The following INVS variants were observed in gnomAD, a reference collection of about 807,000 sequenced individuals.
The protein encoded by INVS is inversion of embryo turning homolog.
In INVS, 86 loss-of-function variants were observed where a neutral mutation model predicts 108.8. The observed-to-expected ratio is 0.79, with a 90% confidence interval of 0.66 to 0.95. INVS has a LOEUF of 0.95. Among genes scored for constraint, INVS ranks in the 40% least tolerant of loss-of-function variants. The pLI, the probability that INVS is intolerant of heterozygous loss-of-function variation, is 0.00. For missense variants in INVS, 1,169 were observed against 1,297.4 expected (o/e 0.90, Z 1.52); for synonymous variants, 455 against 473.5 (o/e 0.96, Z 0.51).
intron 3 of INVS, among the ~76,000 whole-genome samples, chr9:100,140,528 C>G (rs958368092): frequency 3.3e-5 from 5 of 152,132 alleles, no homozygotes; most frequent in African/African-American, 1.2e-4. Flanking sequence ...AACCGGCCAT[C>G]TGGATGTGTA....
Position 100,267,019 on chromosome 9 carries a change from T to TAAAAAAAAAA in INVS, c.1571+2106_1571+2115dup, listed in dbSNP as rs11415703. Among the ~76,000 whole-genome samples the TAAAAAAAAAA allele has an allele frequency of 1.1e-4, 10 of 93,124 alleles. 1 individual carries two copies. The highest frequency in any genetic ancestry group is 1.4e-4 in the Non-Finnish European group (7 of 49,474). 61.1% of individuals were successfully genotyped at this position (93,124 alleles called of 152,430 possible). A position where few individuals can be genotyped will look rare whatever the true frequency, so the allele number is the denominator to read the frequency against. On this transcript the variant is annotated intron_variant, in intron 11 of 16. Transcript: ENST00000262457. ...CTGAAGATGTCTCCCTTTGAAACTCTAAAAAAAAAAAAAAAAAAAAAAAAG... is the reference window on the plus strand; with the variant it reads ...CTGAAGATGTCTCCCTTTGAAACTCTAAAAAAAAAAAAAAAAAAAAAAAAAAAAAAAAAAG...
At chr9:100,123,227 A>G (rs1003810558) in intron 2 of INVS, among the ~76,000 whole-genome samples, 1 of 152,172 alleles carries the variant, frequency 6.6e-6, no homozygotes, top group African/African-American at 2.4e-5. Flanking sequence ...CCCACAGAGA[A>G]ACCCTTCACC....
chr9:100,132,025 C>G (rs1828069750), intron 3 of INVS: 1 of 265,692 alleles, frequency 3.8e-6, no homozygotes, highest in Non-Finnish European at 5.8e-6. Context: ...GCCCCAGTCC[C>G]CTTCAGCTCT....
At chr9:100,235,484 T>C (rs1831657624) in intron 5 of INVS, among the ~76,000 whole-genome samples, 1 of 152,230 alleles carries the variant, frequency 6.6e-6, no homozygotes, top group Non-Finnish European at 1.5e-5. Flanking sequence ...TATTGGTATC[T>C]CTTTGCAGTG....
intron 5 of INVS, among the ~76,000 whole-genome samples, chr9:100,233,812 G>T (rs1831592980): frequency 6.6e-6 from 1 of 152,174 alleles, no homozygotes; most frequent in Admixed American, 6.5e-5. Flanking sequence ...GTTCATCAGG[G>T]ATATTGGCCT....
At chr9:100,160,694 G>A (rs762703354) in intron 3 of INVS, among the ~76,000 whole-genome samples, 37 of 151,128 alleles carry the variant, frequency 2.4e-4, no homozygotes, top group Admixed American at 7.2e-4. Flanking sequence ...TAATTTCCCC[G>A]TTGTTACGAA....
chr9:100,223,232 C>T (rs1007843416), intron 3 of INVS, among the ~76,000 whole-genome samples: 2 of 151,782 alleles, frequency 1.3e-5, no homozygotes, highest in African/African-American at 4.8e-5. Context: ...GTAGCTGGAA[C>T]CACAGCTTGC....
chr9:100,140,713 C>T (rs958088478), intron 3 of INVS, among the ~76,000 whole-genome samples: 10 of 151,900 alleles, frequency 6.6e-5, no homozygotes, highest in East Asian at 1.9e-4. Flanking sequence ...CTGCTTCGAG[C>T]GGAATTAGGG....
intron 5 of INVS, among the ~76,000 whole-genome samples, chr9:100,234,955 A>C (rs1831631222): frequency 6.6e-6 from 1 of 152,182 alleles, no homozygotes; most frequent in Non-Finnish European, 1.5e-5. Context: ...TCTAATATTG[A>C]CAGTGGGGTG....
chr9:100,117,266 C>A, intron 2 of INVS: 1 of 756,734 alleles, frequency 1.3e-6, no homozygotes, highest in African/African-American at 1.7e-5. Flanking sequence ...CGCTTTGAAC[C>A]TGGTGCTCTG....
chr9:100,171,960 A>T (rs1482174995), intron 3 of INVS, among the ~76,000 whole-genome samples: 3 of 152,136 alleles, frequency 2.0e-5, no homozygotes, highest in Non-Finnish European at 4.4e-5. Context: ...CCTATTTTTT[A>T]AATTTGTGGC....
At chr9:100,209,319 G>C (rs1830764237) in intron 3 of INVS, among the ~76,000 whole-genome samples, 1 of 152,160 alleles carries the variant, frequency 6.6e-6, no homozygotes, top group Non-Finnish European at 1.5e-5. Context: ...TAGAATCATA[G>C]AGTCAAAGGA....
intron 3 of INVS, among the ~76,000 whole-genome samples, chr9:100,219,759 T>G (rs924507650): frequency 2.0e-5 from 3 of 152,182 alleles, no homozygotes; most frequent in African/African-American, 4.8e-5. Flanking sequence ...AGTGAAAATG[T>G]ATGAACCCAG....
Position 100,246,729 on chromosome 9 carries a change from T to C in INVS, c.1020T>C (p.Thr340=). Residue 340 remains threonine, a synonymous_variant, in exon 8 of 17, where the codon ACT becomes ACC. Coordinates refer to ENST00000262457, the MANE Select transcript of INVS (RefSeq NM_014425.5). ...AAGGCAGTGATGATGTCCTTAGAAC[T>C]ATGCTGAGCTTAAAATCGGACATAG... ...AGKGSDDVLR[T]MLSLKSDIDI... 6.2e-7 allele frequency: 1 copy of C among 1,614,048 alleles called. No homozygotes were observed. The highest frequency in any genetic ancestry group is 8.5e-7 in the Non-Finnish European group (1 of 1,179,912).
intron 7 of INVS, among the ~76,000 whole-genome samples, chr9:100,244,281 A>G (rs546187327): frequency 2.0e-5 from 3 of 152,208 alleles, no homozygotes; most frequent in South Asian, 4.1e-4. Flanking sequence ...TCTTATTACA[A>G]ATAGATAGGA....
chr9:100,259,913 C>T (rs144564993), intron 10 of INVS, among the ~76,000 whole-genome samples: 1 of 151,942 alleles, frequency 6.6e-6, no homozygotes, highest in African/African-American at 2.4e-5. Flanking sequence ...GCTTCGTCAC[C>T]CAGGCTGGAG....
chr9:100,137,206 A>G (rs984581072), intron 3 of INVS, among the ~76,000 whole-genome samples: 2 of 152,184 alleles, frequency 1.3e-5, no homozygotes, highest in Non-Finnish European at 2.9e-5. Context: ...ACACATGGGA[A>G]AACAAGGAGT....
chr9:100,218,386 C>A (rs1437044689), intron 3 of INVS, among the ~76,000 whole-genome samples: 1 of 152,112 alleles, frequency 6.6e-6, no homozygotes, highest in Non-Finnish European at 1.5e-5. Context: ...AGAAGGGCCA[C>A]CGTAGGCAGT....
intron 5 of INVS, among the ~76,000 whole-genome samples, chr9:100,230,469 TG>T (rs143601725): frequency 0.018 from 2,762 of 152,172 alleles, 71 homozygotes; most frequent in African/African-American, 0.063. Context: ...TGTTTTGTTT[TG>T]TTTTTTTGCA....
Sources: gnomAD v4.1 joint callset for allele counts (sites outside exome capture counted in the v4.1 genomes callset) on GRCh38, gnomAD v4.1.1 for gene constraint, MANE v1.5 for transcripts, NCBI Gene and HGNC (gene_info 2026-07-23, HGNC 2026-07-21) for gene names.